Variants in LY75 observed in about 807,000 individuals in gnomAD.
LY75 encodes C-type lectin domain family 13 member B.
In LY75, 185 loss-of-function variants were observed where a neutral mutation model predicts 231.7. That is an observed-to-expected ratio of 0.80 (90% CI 0.71 to 0.90). The LOEUF (loss-of-function observed/expected upper bound fraction) is 0.90. Ranked by LOEUF, LY75 falls within the 40% of genes least tolerant of loss-of-function variation. The pLI is 0.00. For synonymous variants in LY75, 668 were observed against 689.0 expected (o/e 0.97, Z 0.48); for missense variants, 1,947 against 2,050.2 (o/e 0.95, Z 0.97).
At chr2:159,817,874 C>A (rs957606958) in intron 29 of LY75, among the ~76,000 whole-genome samples, 3 of 151,966 alleles carry the variant, frequency 2.0e-5, no homozygotes, top group Admixed American at 1.3e-4. Context: ...ATGGTGAAAC[C>A]CCGTCTCTAC....
At position 159,842,342 on chromosome 2, in the gene LY75, G is replaced by A. The variant is rs1228141571; in HGVS notation, c.3183C>T (p.Ala1061=). 1.2e-6 allele frequency: 2 copies of A among 1,612,000 alleles called. No individual in the cohort carries two copies. The highest frequency in any genetic ancestry group is 1.7e-6 in the Non-Finnish European group (2 of 1,178,852). The change falls in exon 24 of 35, where the codon GCC becomes GCT. Residue 1061 remains alanine (A), a synonymous_variant. Transcript: ENST00000263636. ...GTGATTTTTGGAGGTTGAGTATTAG[G>A]GCACAGTGGTAGCGAGACTCTTCCT... ...FFEEESRYHC[A]LILNLQKSPF...
At position 159,875,464 on chromosome 2, in the gene LY75, C is replaced by A. The variant is rs371478963; in HGVS notation, c.1954G>T (p.Ala652Ser). ...TTTACCTTATAACAAGAAAGACTTG[C>A]GGGGAAACTCTGCCAGCCTTCAGGA... is the stretch of plus-strand genomic sequence containing the variant. ...PCPEGWQSFP[A>S]SLSCYKVFHA... The change falls in exon 12 of 35, where the codon GCA (alanine) becomes TCA (serine). Residue 652 changes from alanine (A) to serine (S), a missense_variant. By Grantham distance (99) the Ala-to-Ser change is moderately conservative. Transcript: ENST00000263636. 6.2e-7 allele frequency: 1 copy of A among 1,612,926 alleles called. No individual in the cohort carries two copies. The highest frequency in any genetic ancestry group is 1.7e-4 in the Middle Eastern group (1 of 6,052).
At position 159,834,139 on chromosome 2, in the gene LY75, A is replaced by G. The variant is rs749134876; in HGVS notation, c.3746T>C (p.Ile1249Thr). 4.3e-6 allele frequency: 7 copies of G among 1,614,064 alleles called. No individual in the cohort carries two copies. The highest frequency in any genetic ancestry group is 5.9e-6 in the Non-Finnish European group (7 of 1,179,964). ...ATTGTAGCAACAGTTCTGAAATGGT[A>G]TCCACGGAGTATTTAGAACAGGAGA... ...CPSPVLNTPW[I>T]PFQNCCYNFI... Residue 1249 changes from isoleucine (I) to threonine (T), a missense_variant, in exon 27 of 35, where the codon ATA (isoleucine) becomes ACA (threonine). Transcript: ENST00000263636.
chr2:159,864,670 A>G (rs1335515322), intron 14 of LY75, among the ~76,000 whole-genome samples, 169 bp downstream of exon 14: 1 of 152,102 alleles, frequency 6.6e-6, no homozygotes, highest in Non-Finnish European at 1.5e-5. Flanking sequence ...AAGCTCAGGT[A>G]GTGTGATGGC....
At chr2:159,856,007 T>C (rs1257159225) in intron 16 of LY75, among the ~76,000 whole-genome samples, 1 of 152,242 alleles carries the variant, frequency 6.6e-6, no homozygotes, top group Non-Finnish European at 1.5e-5. Flanking sequence ...AACAATAATG[T>C]TGCAAGTCAG....
At chr2:159,832,212 A>G (rs1209241147) in intron 27 of LY75, among the ~76,000 whole-genome samples, 1 of 152,012 alleles carries the variant, frequency 6.6e-6, no homozygotes, top group African/African-American at 2.4e-5. Flanking sequence ...GTTAGGAACC[A>G]GGCCTGTTAG....
In LY75 at chr2:159,890,201, A is replaced by G. The variant is rs1443095201; in HGVS notation, c.802+12T>C. Reference sequence around the variant, plus strand: ...TAGCCAATTTGCTCTATCACATGCAAATAAAATCTACCTTTAAGGTAAGTT... The same window carrying G: ...TAGCCAATTTGCTCTATCACATGCAGATAAAATCTACCTTTAAGGTAAGTT... On this transcript the variant is annotated intron_variant, in intron 4 of 34. Coordinates refer to ENST00000263636, the MANE Select transcript of LY75 (RefSeq NM_002349.4). The G allele has an allele frequency of 5.0e-6, 8 of 1,605,148 alleles. No homozygotes were observed. The highest frequency in any genetic ancestry group is 6.8e-6 in the Non-Finnish European group (8 of 1,176,200).
At chr2:159,890,001 CTCTT>C (rs1337254569) in intron 4 of LY75, among the ~76,000 whole-genome samples, 2 of 152,158 alleles carry the variant, frequency 1.3e-5, no homozygotes, top group Non-Finnish European at 2.9e-5. Context: ...ACATCAATCT[CTCTT>C]TAGTTTCCAT....
chr2:159,807,661 G>A (rs1682828597), intron 33 of LY75: 4 of 985,216 alleles, frequency 4.1e-6, no homozygotes, highest in Non-Finnish European at 4.8e-6. Flanking sequence ...GTGTAAACAC[G>A]ATTTAGGATT....
At chr2:159,870,398 C>T (rs987118750) in intron 13 of LY75, among the ~76,000 whole-genome samples, 1 of 152,110 alleles carries the variant, frequency 6.6e-6, no homozygotes, top group African/African-American at 2.4e-5. Context: ...CTGCAGTGAG[C>T]TGTAATCATG....
chr2:159,886,554 A>C (rs757221541), intron 4 of LY75, 24 bp from the exon 5 acceptor site: 1 of 1,570,428 alleles, frequency 6.4e-7, no homozygotes, highest in Non-Finnish European at 8.6e-7. Context: ...AAAATTTTTA[A>C]AAAGTGACAA....
intron 28 of LY75, among the ~76,000 whole-genome samples, chr2:159,825,311 CAG>C (rs1236807591): frequency 2.6e-5 from 4 of 152,154 alleles, no homozygotes; most frequent in Non-Finnish European, 5.9e-5. Flanking sequence ...AAACTACCAT[CAG>C]AGAATACTAT....
At chr2:159,888,830 T>C (rs948774188) in intron 4 of LY75, among the ~76,000 whole-genome samples, 5 of 152,300 alleles carry the variant, frequency 3.3e-5, no homozygotes, top group Admixed American at 1.3e-4. Context: ...GCTAAATACT[T>C]GTGGGTGACT....
Position 159,806,610 on chromosome 2 carries a change from A to C in LY75, c.4990+363T>G, listed in dbSNP as rs1682799392. ...AACCATGAGTTTTATGGGATTAGGAAGAAAGGAAGCAAATTAACTGCAGAA... is the reference window on the plus strand; with the variant it reads ...AACCATGAGTTTTATGGGATTAGGACGAAAGGAAGCAAATTAACTGCAGAA... On this transcript the variant is annotated intron_variant, in intron 34 of 34. Transcript: ENST00000263636. 2.0e-5 allele frequency among the ~76,000 whole-genome samples: 3 copies of C among 152,324 alleles called. No individual in the cohort carries two copies. The South Asian group carries it at 6.2e-4, about 32-fold the overall frequency.
intron 29 of LY75, among the ~76,000 whole-genome samples, chr2:159,819,341 A>G (rs2125832866): frequency 6.6e-6 from 1 of 152,262 alleles, no homozygotes; most frequent in South Asian, 2.1e-4. Flanking sequence ...ACACTTTCTT[A>G]TTTATATAAA....
chr2:159,806,144 G>C lies in LY75; in HGVS notation c.4990+829C>G, dbSNP rs112974050. On this transcript the variant is annotated intron_variant, in intron 34 of 34. Transcript: ENST00000263636. Reference sequence around the variant, plus strand: ...CTATCCACTGAGTCTCCATCACATAGAGTTTATAACTATTTGATATTTTCC... The same window carrying C: ...CTATCCACTGAGTCTCCATCACATACAGTTTATAACTATTTGATATTTTCC... Among the ~76,000 whole-genome samples, 1,356 of 152,206 alleles carry C rather than the reference G, an allele frequency of 8.9e-3. 19 individuals are homozygous for C. Among genetic ancestry groups the C allele is most frequent in the African/African-American group, 0.031 (1,291 of 41,504 alleles).
chr2:159,811,661 TC>T (rs1202372901), intron 31 of LY75, among the ~76,000 whole-genome samples: 1 of 152,224 alleles, frequency 6.6e-6, no homozygotes, highest in Non-Finnish European at 1.5e-5. Flanking sequence ...TTATTTGTGG[TC>T]TCTGTGATTA....
rs760470985 is a variant in LY75 at position 159,853,260 on chromosome 2, G to C, written c.2743+13C>G. 2.5e-6 allele frequency: 4 copies of C among 1,610,118 alleles called. No homozygotes were observed. In the East Asian group the frequency reaches 6.7e-5, roughly 27 times the overall value. ...TACATAATCAGCATTAAAGGATTTA[G>C]AATTAACTTTACCGATAAGCCAAGT... On this transcript the variant is annotated intron_variant, in intron 20 of 34. Coordinates refer to ENST00000263636, the MANE Select transcript of LY75 (RefSeq NM_002349.4).
chr2:159,886,624 A>G, intron 4 of LY75, 94 bp from the exon 5 acceptor site: 1 of 1,259,728 alleles, frequency 7.9e-7, no homozygotes, highest in South Asian at 1.6e-5. Flanking sequence ...AAATCTGCAG[A>G]CCTTGATTGT....
Sources: gnomAD v4.1 joint callset for allele counts (sites outside exome capture counted in the v4.1 genomes callset) on GRCh38, gnomAD v4.1.1 for gene constraint, MANE v1.5 for transcripts, NCBI Gene and HGNC (gene_info 2026-07-23, HGNC 2026-07-21) for gene names.